Variants in INPP5A observed in about 807,000 individuals in gnomAD.
The protein encoded by INPP5A is inositol polyphosphate-5-phosphatase A, also known as 43 kDa inositol polyphosphate 5-phophatase.
In INPP5A, 14 loss-of-function variants were observed where a neutral mutation model predicts 65.2. The observed-to-expected ratio is 0.21, with a 90% CI of 0.14 to 0.34. INPP5A has a LOEUF of 0.34. INPP5A is among the 10% of genes least tolerant of loss of function. The pLI is 1.00. For missense variants in INPP5A, 431 were observed against 545.6 expected (o/e 0.79, Z 2.09); for synonymous variants, 207 against 208.3 (o/e 0.99, Z 0.05).
intron 3 of INPP5A, among the ~76,000 whole-genome samples, chr10:132,646,987 C>G (rs2072504392): frequency 6.6e-6 from 1 of 152,202 alleles, no homozygotes; most frequent in African/African-American, 2.4e-5. Flanking sequence ...TGCATCCTTG[C>G]TGTGACATAA....
rs1381858016 is a variant in INPP5A at position 132,648,488 on chromosome 10, G to A, written c.219-1930G>A. On this transcript the variant is annotated intron_variant, in intron 3 of 15. Coordinates refer to ENST00000368594, the MANE Select transcript of INPP5A (RefSeq NM_005539.5). ...CTTTCAGTGCCCTCCGCCCTTTTGT[G>A]TGGATTCTGCTTTTTATCTGGCACC... Among the ~76,000 whole-genome samples the A allele has an allele frequency of 2.6e-5, 4 of 152,264 alleles. No individual in the cohort carries two copies. In the East Asian group the frequency reaches 7.7e-4, roughly 29 times the overall value.
chr10:132,703,475 G>A (rs1443625512), intron 6 of INPP5A, among the ~76,000 whole-genome samples: 9 of 106,834 alleles, frequency 8.4e-5, no homozygotes, highest in South Asian at 5.8e-4. Flanking sequence ...ACAGACACAC[G>A]TGGCTTCACC....
rs1238530195 is a variant in INPP5A at position 132,704,667 on chromosome 10, T to TG, written c.475-3639dup. Among the ~76,000 whole-genome samples, 2 of 152,040 alleles carry TG rather than the reference T, an allele frequency of 1.3e-5. No homozygotes were observed. Among genetic ancestry groups the TG allele is most frequent in the South Asian group, 2.1e-4 (1 of 4,824 alleles). ...GTGGATCCTGTGCGTGGCTGGGCCG[T>TG]GGGGGGGCAGTGGCTGTTCCAGGTG... On this transcript the variant is annotated intron_variant, in intron 6 of 15. Coordinates refer to ENST00000368594, the MANE Select transcript of INPP5A (RefSeq NM_005539.5). The surrounding 1 kb of genome is among the most constrained non-coding windows in gnomAD (Gnocchi z 4.5).
chr10:132,610,254 G>A (rs1590865841), intron 2 of INPP5A, among the ~76,000 whole-genome samples: 1 of 152,350 alleles, frequency 6.6e-6, no homozygotes, highest in Admixed American at 6.5e-5. Flanking sequence ...TGTGGAGGAA[G>A]CCCCTGTCCC....
chr10:132,637,702 G>A lies in INPP5A; in HGVS notation c.118-8166G>A, dbSNP rs970490815. 6.6e-6 allele frequency among the ~76,000 whole-genome samples: 1 copy of A among 152,182 alleles called. No individual in the cohort carries two copies. The highest frequency in any genetic ancestry group is 2.4e-5 in the African/African-American group (1 of 41,430). ...CTTTGCCTTTGCCGCCCCCGAGGTT[G>A]ATGGGCGCTCTCCGTCTCTTTCTCC... On this transcript the variant is annotated intron_variant, in intron 2 of 15. Transcript: ENST00000368594. This position sits in a 1 kb window ranked among gnomAD's most constrained non-coding sequence, Gnocchi z 4.1.
At position 132,674,386 on chromosome 10, in the gene INPP5A, G is replaced by A. The variant is rs938044374; in HGVS notation, c.307-16006G>A. 3.9e-5 allele frequency among the ~76,000 whole-genome samples: 6 copies of A among 152,140 alleles called. No homozygotes were observed. The highest frequency in any genetic ancestry group is 3.3e-4 in the Admixed American group (5 of 15,274). ...CCCACTGGGAAGATTTCCCTTCACC[G>A]CTGTCCTTCAGGAATGTCCTAGAAA... On this transcript the variant is annotated intron_variant, in intron 4 of 15. Coordinates refer to ENST00000368594, the MANE Select transcript of INPP5A (RefSeq NM_005539.5). The surrounding 1 kb of genome is among the most constrained non-coding windows in gnomAD (Gnocchi z 4.4).
chr10:132,742,713 G>A (rs553280289), intron 9 of INPP5A, among the ~76,000 whole-genome samples: 17 of 152,322 alleles, frequency 1.1e-4, no homozygotes, highest in African/African-American at 3.8e-4. Context: ...ACCCAGCTCC[G>A]ATGCTTCCTT....
At chr10:132,666,422 G>C (rs2072803400) in intron 4 of INPP5A, among the ~76,000 whole-genome samples, 1 of 152,184 alleles carries the variant, frequency 6.6e-6, no homozygotes, top group Admixed American at 6.5e-5. Context: ...GACACCAGCT[G>C]TACAGCTCCC....
intron 11 of INPP5A, among the ~76,000 whole-genome samples, chr10:132,764,238 A>G (rs1846789342): frequency 6.6e-6 from 1 of 152,254 alleles, no homozygotes; most frequent in Non-Finnish European, 1.5e-5. Flanking sequence ...AGGTCACAGG[A>G]AGAGCTGGGA....
chr10:132,726,306 G>A (rs1229262105), intron 8 of INPP5A, among the ~76,000 whole-genome samples: 1 of 152,228 alleles, frequency 6.6e-6, no homozygotes, highest in Non-Finnish European at 1.5e-5. Context: ...CTGTCTGGGA[G>A]GAGAGAGCGG....
At chr10:132,691,844 G>A (rs1024233757) in intron 5 of INPP5A, among the ~76,000 whole-genome samples, 1 of 151,826 alleles carries the variant, frequency 6.6e-6, no homozygotes, top group Non-Finnish European at 1.5e-5. Flanking sequence ...CGCGGGAGAC[G>A]TGCGGTCGCG....
Position 132,645,960 on chromosome 10 carries a change from G to A in INPP5A, c.210G>A (p.Lys70=), listed in dbSNP as rs1590891251. ...NYEASMSHVD[K]FVKELLSSDA... ...AGGCCTCCATGTCCCACGTGGACAAGTTCGTCAAGTAAGTCTAGGGGCAGG... is the reference window on the plus strand; with the variant it reads ...AGGCCTCCATGTCCCACGTGGACAAATTCGTCAAGTAAGTCTAGGGGCAGG... Residue 70 remains lysine, a synonymous_variant, in exon 3 of 16, where the codon AAG becomes AAA. Transcript: ENST00000368594. 1 of 1,612,484 alleles carries A rather than the reference G, an allele frequency of 6.2e-7. No individual in the cohort carries two copies. The highest frequency in any genetic ancestry group is 8.5e-7 in the Non-Finnish European group (1 of 1,178,658).
chr10:132,756,522 G>T (rs1441652986), intron 11 of INPP5A, among the ~76,000 whole-genome samples: 2 of 152,184 alleles, frequency 1.3e-5, no homozygotes, highest in African/African-American at 4.8e-5. Context: ...GCTTCCTCTC[G>T]CTGTGTGATG....
intron 4 of INPP5A, among the ~76,000 whole-genome samples, chr10:132,686,175 G>A (rs781593162): frequency 3.0e-4 from 45 of 152,184 alleles, no homozygotes; most frequent in Admixed American, 1.6e-3. Flanking sequence ...GGCCCGCACC[G>A]GATCGACTTT....
chr10:132,637,922 G>A lies in INPP5A; in HGVS notation c.118-7946G>A, dbSNP rs769646113. On this transcript the variant is annotated intron_variant, in intron 2 of 15. Coordinates refer to ENST00000368594, the MANE Select transcript of INPP5A (RefSeq NM_005539.5). The surrounding 1 kb of genome is among the most constrained non-coding windows in gnomAD (Gnocchi z 4.1). ...AATTTTTTGTCTTTTTTTTACAGCC[G>A]TTTTGTAGGGACTTCCTTTTGCTCA... is the stretch of plus-strand genomic sequence containing the variant. 1.3e-5 allele frequency among the ~76,000 whole-genome samples: 2 copies of A among 152,014 alleles called. No homozygotes were observed. The highest frequency in any genetic ancestry group is 2.4e-5 in the African/African-American group (1 of 41,392).
intron 2 of INPP5A, among the ~76,000 whole-genome samples, chr10:132,628,952 A>C (rs1213749503): frequency 1.3e-5 from 2 of 152,250 alleles, no homozygotes; most frequent in South Asian, 4.1e-4. Flanking sequence ...TAATCAGTAT[A>C]CAGTTATTAA....
chr10:132,708,600 C>T lies in INPP5A; in HGVS notation c.527+235C>T, dbSNP rs906347558. ...TGGGTGCCCAGTGCCAATGGAGACA[C>T]AGTGACGGCCCCAGTCCCTCCCCGC... On this transcript the variant is annotated intron_variant, in intron 7 of 15. Transcript: ENST00000368594. 9.3e-6 allele frequency: 6 copies of T among 642,524 alleles called. No homozygotes were observed. The African/African-American group carries it at 1.1e-4, about 12-fold the overall frequency. The allele number at this position is 642,524 out of a possible 1,614,324, so 39.8% of individuals were successfully genotyped here.
At chr10:132,585,799 G>A (rs1321375059) in intron 1 of INPP5A, among the ~76,000 whole-genome samples, 10 of 151,918 alleles carry the variant, frequency 6.6e-5, no homozygotes, top group East Asian at 1.9e-4. Flanking sequence ...TCTGTGTGAC[G>A]CTCCCCACAG....
At chr10:132,543,993 T>C (rs1309770362) in intron 1 of INPP5A, among the ~76,000 whole-genome samples, 1 of 152,236 alleles carries the variant, frequency 6.6e-6, no homozygotes, top group African/African-American at 2.4e-5. Flanking sequence ...GTGCATAGTC[T>C]TGGCATTGCT....
Sources: gnomAD v4.1 joint callset for allele counts (sites outside exome capture counted in the v4.1 genomes callset) on GRCh38, gnomAD v4.1.1 for gene constraint, Gnocchi (gnomAD v3.1) non-coding constraint, MANE v1.5 for transcripts, NCBI Gene and HGNC (gene_info 2026-07-23, HGNC 2026-07-21) for gene names.